Variants in NDUFS4 observed in about 807,000 individuals in gnomAD.
NDUFS4 encodes the protein NADH:ubiquinone oxidoreductase subunit S4.
A neutral mutation model predicts 24.3 loss-of-function variants in NDUFS4; 28 were observed. The observed-to-expected ratio is 1.15, with a 90% confidence interval of 0.85 to 1.58. The LOEUF (loss-of-function observed/expected upper bound fraction) is 1.58. Among genes scored for constraint, NDUFS4 ranks in the 40% most tolerant of loss-of-function variants. The pLI, the probability that NDUFS4 is intolerant of heterozygous loss-of-function variation, is 0.00. For missense variants in NDUFS4, 223 were observed against 207.9 expected, an observed-to-expected ratio of 1.07 and a Z score of -0.45; for synonymous variants, 93 against 69.7, an observed-to-expected ratio of 1.34 and a Z score of -1.67.
At chr5:53,593,329 A>G (rs942047270) in intron 1 of NDUFS4, among the ~76,000 whole-genome samples, 1 of 151,616 alleles carries the variant, frequency 6.6e-6, no homozygotes, top group Non-Finnish European at 1.5e-5. Context: ...GTTGTTCATA[A>G]TATTTCCCTG....
At chr5:53,624,149 T>C (rs147161984) in intron 2 of NDUFS4, among the ~76,000 whole-genome samples, 1,558 of 152,352 alleles carry the variant, frequency 0.01, 21 homozygotes, top group African/African-American at 0.036. Flanking sequence ...TTGGCACTTC[T>C]TTAAAAAACC....
At chr5:53,660,953 C>T (rs1418088106) in intron 4 of NDUFS4, among the ~76,000 whole-genome samples, 1 of 152,100 alleles carries the variant, frequency 6.6e-6, no homozygotes, top group Non-Finnish European at 1.5e-5. Flanking sequence ...TGTAGGTTGC[C>T]TGTTCACTCT....
At chr5:53,660,827 G>A (rs1443037431) in intron 4 of NDUFS4, among the ~76,000 whole-genome samples, 2 of 152,058 alleles carry the variant, frequency 1.3e-5, no homozygotes, top group Non-Finnish European at 1.5e-5. Context: ...CATATCCTTC[G>A]CCCACTTGTT....
At chr5:53,572,964 T>G (rs1260105829) in intron 1 of NDUFS4, among the ~76,000 whole-genome samples, 6 of 94,744 alleles carry the variant, frequency 6.3e-5, no homozygotes, top group South Asian at 3.6e-4. Context: ...TTTGTTTTTT[T>G]TTTTTGTTTT....
rs61661148 is a variant in NDUFS4 at position 53,661,481 on chromosome 5, C to T, written c.424+2857C>T. On this transcript the variant is annotated intron_variant, in intron 4 of 4. Transcript: ENST00000296684. ...TTGGCTTAGGATTGACTTGGCAATG[C>T]GGGCTCTTTTTTGGTTCCATATGAA... Among the ~76,000 whole-genome samples, 730 of 152,128 alleles carry T rather than the reference C, an allele frequency of 4.8e-3. 5 individuals carry two copies. The highest frequency in any genetic ancestry group is 0.015 in the African/African-American group (617 of 41,490).
intron 2 of NDUFS4, among the ~76,000 whole-genome samples, chr5:53,603,825 T>G (rs1016200040): frequency 1.7e-4 from 26 of 152,168 alleles, no homozygotes; most frequent in African/African-American, 6.0e-4. Flanking sequence ...AATGTTTTGC[T>G]TTTTATTTTC....
chr5:53,578,238 C>T (rs1749447809), intron 1 of NDUFS4, among the ~76,000 whole-genome samples: 1 of 152,148 alleles, frequency 6.6e-6, no homozygotes, highest in Non-Finnish European at 1.5e-5. Flanking sequence ...TGGTTTATGT[C>T]TGTCTTAGTT....
chr5:53,571,223 A>G lies in NDUFS4; in HGVS notation c.98+10463A>G, dbSNP rs557449556. On this transcript the variant is annotated intron_variant, in intron 1 of 4. Transcript: ENST00000296684. Reference sequence around the variant, plus strand: ...GTCGCTTCTCCCCCAGTCCTAGATAACGACTAACCTTCTTTTTGTTTCTAC... The same window carrying G: ...GTCGCTTCTCCCCCAGTCCTAGATAGCGACTAACCTTCTTTTTGTTTCTAC... Among the ~76,000 whole-genome samples the G allele has an allele frequency of 1.7e-3, 255 of 152,260 alleles. 1 individual carries two copies. The highest frequency in any genetic ancestry group is 3.0e-3 in the Non-Finnish European group (203 of 68,006).
chr5:53,676,950 T>C (rs1740492736), intron 4 of NDUFS4, among the ~76,000 whole-genome samples: 1 of 152,200 alleles, frequency 6.6e-6, no homozygotes, highest in Admixed American at 6.6e-5. Flanking sequence ...GAATTATATA[T>C]GGTGGCTTAC....
chr5:53,636,162 A>T (rs1219453942), intron 2 of NDUFS4, among the ~76,000 whole-genome samples: 1 of 152,166 alleles, frequency 6.6e-6, no homozygotes, highest in Admixed American at 6.5e-5. Context: ...GGTATTACAG[A>T]TGCATGCCAC....
In NDUFS4 at chr5:53,631,164, T is replaced by G. The variant is rs990815092; in HGVS notation, c.178-15069T>G. The stretch of plus-strand genomic sequence containing the variant: ...TCTCAGCTGCAGGTCAGTTGGAGTT[T>G]GCTGGAGGTCCACTCCAGACCCTGT... On this transcript the variant is annotated intron_variant, in intron 2 of 4. Transcript: ENST00000296684. 2.6e-5 allele frequency among the ~76,000 whole-genome samples: 4 copies of G among 152,328 alleles called. No individual in the cohort carries two copies. The East Asian group carries it at 7.7e-4, about 29-fold the overall frequency.
intron 1 of NDUFS4, among the ~76,000 whole-genome samples, chr5:53,562,669 C>A (rs529711397): frequency 3.0e-4 from 45 of 152,236 alleles, no homozygotes; most frequent in South Asian, 1.0e-3. Flanking sequence ...TTGTCATGTT[C>A]ATCCTAATTT....
At chr5:53,670,679 T>C (rs1300450291) in intron 4 of NDUFS4, among the ~76,000 whole-genome samples, 2 of 150,992 alleles carry the variant, frequency 1.3e-5, no homozygotes, top group African/African-American at 4.8e-5. Flanking sequence ...ATAGTAAATA[T>C]GAGAAACAGG....
At chr5:53,582,466 A>C (rs910152529) in intron 1 of NDUFS4, among the ~76,000 whole-genome samples, 4 of 152,292 alleles carry the variant, frequency 2.6e-5, no homozygotes, top group African/African-American at 9.6e-5. Flanking sequence ...CCATGTATAC[A>C]TGCCAGTTCA....
At chr5:53,592,242 G>A (rs932188512) in intron 1 of NDUFS4, among the ~76,000 whole-genome samples, 1 of 152,110 alleles carries the variant, frequency 6.6e-6, no homozygotes, top group Non-Finnish European at 1.5e-5. Flanking sequence ...GTGAGCCGCT[G>A]CGCCCGGCAT....
chr5:53,654,406 G>A (rs1040847441), intron 3 of NDUFS4, among the ~76,000 whole-genome samples: 1 of 152,054 alleles, frequency 6.6e-6, no homozygotes, highest in Admixed American at 6.5e-5. Context: ...TGGAGGGAGT[G>A]TGCACACATA....
At chr5:53,677,570 T>C (rs985029489) in intron 4 of NDUFS4, among the ~76,000 whole-genome samples, 1 of 152,192 alleles carries the variant, frequency 6.6e-6, no homozygotes, top group Non-Finnish European at 1.5e-5. Flanking sequence ...AAAGAGACTT[T>C]TAAAGTGAAA....
chr5:53,613,441 TC>T (rs1436477833), intron 2 of NDUFS4, among the ~76,000 whole-genome samples: 3 of 152,064 alleles, frequency 2.0e-5, no homozygotes, highest in Non-Finnish European at 4.4e-5. Flanking sequence ...TGGGTTTTTT[TC>T]TTTAAGACTT....
chr5:53,617,696 T>G (rs368462360), intron 2 of NDUFS4, among the ~76,000 whole-genome samples: 40 of 152,312 alleles, frequency 2.6e-4, no homozygotes, highest in African/African-American at 8.7e-4. Context: ...TTTTAAAAAT[T>G]GTCATATTTC....
Sources: allele counts gnomAD v4.1 joint callset (sites outside exome capture counted in the v4.1 genomes callset), GRCh38; gene constraint gnomAD v4.1.1; transcripts MANE v1.5; gene names NCBI Gene and HGNC (gene_info 2026-07-23, HGNC 2026-07-21).